MMP16: variants seen among roughly 807,000 people sequenced by gnomAD.
MMP16 encodes matrix metalloproteinase-16.
In MMP16, 12 loss-of-function variants were observed where a neutral mutation model predicts 67.8. That is an observed-to-expected ratio of 0.18 (90% confidence interval 0.11 to 0.29). The LOEUF is 0.29. MMP16 is among the 10% of genes least tolerant of loss of function. MMP16 has a pLI of 1.00. For synonymous variants in MMP16, 249 were observed against 255.9 expected (o/e 0.97, Z 0.26); for missense variants, 475 against 765.7 (o/e 0.62, Z 4.48).
chr8:88,050,862 T>C (rs1586123460), intron 8 of MMP16, among the ~76,000 whole-genome samples: 2 of 152,310 alleles, frequency 1.3e-5, no homozygotes, highest in East Asian at 3.9e-4. Context: ...TGTGCACCTA[T>C]ATTATATGCC....
chr8:88,041,096 C>G lies in MMP16; in HGVS notation c.*365G>C, dbSNP rs566005337. ...TTTTTTTTCTCCCCCCAGAAATGGG[C>G]TCAGACTTCAGAAGGAAAATAACAT... On this transcript the variant is annotated 3_prime_UTR_variant, in exon 10 of 10. Coordinates refer to ENST00000286614, the MANE Select transcript of MMP16 (RefSeq NM_005941.5). This position sits in a 1 kb window ranked among gnomAD's most constrained non-coding sequence, Gnocchi z 6.0. 2 of 169,922 alleles carry G rather than the reference C, an allele frequency of 1.2e-5. No individual in the cohort carries two copies. Among genetic ancestry groups the G allele is most frequent in the African/African-American group, 4.7e-5 (2 of 42,192 alleles). The allele number at this position is 169,922 out of a possible 1,614,324, so 10.5% of individuals were successfully genotyped here. A position where few individuals can be genotyped will look rare whatever the true frequency, so the allele number is the denominator to read the frequency against.
intron 4 of MMP16, among the ~76,000 whole-genome samples, chr8:88,162,245 A>G (rs972085690): frequency 4.6e-5 from 7 of 152,012 alleles, no homozygotes; most frequent in African/African-American, 1.7e-4. Flanking sequence ...AAAGGTTTTA[A>G]AAAAGTCAGT....
chr8:88,213,251 T>G (rs1563563910), intron 1 of MMP16, among the ~76,000 whole-genome samples: 1 of 152,144 alleles, frequency 6.6e-6, no homozygotes, highest in Non-Finnish European at 1.5e-5. Flanking sequence ...TCATCTGTGT[T>G]TAACTTAACA....
intron 1 of MMP16, among the ~76,000 whole-genome samples, chr8:88,270,946 T>A (rs1810554002): frequency 6.6e-6 from 1 of 152,162 alleles, no homozygotes; most frequent in East Asian, 1.9e-4. Flanking sequence ...CTTGAGTATA[T>A]CATGAGTATA....
At chr8:88,217,896 C>CAT (rs1809619337) in intron 1 of MMP16, among the ~76,000 whole-genome samples, 1 of 151,992 alleles carries the variant, frequency 6.6e-6, no homozygotes. Flanking sequence ...ACAAGTAATG[C>CAT]ATATGTCTGT....
intron 6 of MMP16, among the ~76,000 whole-genome samples, chr8:88,110,267 G>A (rs887138654): frequency 2.0e-5 from 3 of 151,350 alleles, no homozygotes; most frequent in African/African-American, 7.2e-5. Flanking sequence ...TAACTAAGAA[G>A]CCAGGAAATG....
intron 1 of MMP16, among the ~76,000 whole-genome samples, chr8:88,293,300 G>T (rs1810955188): frequency 6.6e-6 from 1 of 151,956 alleles, no homozygotes; most frequent in African/African-American, 2.4e-5. Flanking sequence ...TGATCTAAGT[G>T]ATTACCCTTA....
intron 1 of MMP16, among the ~76,000 whole-genome samples, chr8:88,255,918 T>C (rs1320517032): frequency 6.6e-6 from 1 of 152,204 alleles, no homozygotes; most frequent in East Asian, 1.9e-4. Flanking sequence ...GGAACTTTTC[T>C]ATAGATGCTG....
chr8:88,273,975 T>A (rs1253137695), intron 1 of MMP16, among the ~76,000 whole-genome samples: 1 of 150,718 alleles, frequency 6.6e-6, no homozygotes, highest in African/African-American at 2.5e-5. Flanking sequence ...TTCATCACCA[T>A]CATCATCATC....
At chr8:88,261,772 TACAC>T (rs1475874060) in intron 1 of MMP16, among the ~76,000 whole-genome samples, 1 of 149,660 alleles carries the variant, frequency 6.7e-6, no homozygotes, top group African/African-American at 2.5e-5. Flanking sequence ...TATGTACATG[TACAC>T]ACACACACAC....
chr8:88,263,246 A>C, intron 1 of MMP16, among the ~76,000 whole-genome samples: 1 of 148,630 alleles, frequency 6.7e-6, no homozygotes, highest in South Asian at 2.1e-4. Context: ...CAATTTCCTA[A>C]AAAAAAAATT....
At chr8:88,124,687 A>G (rs1807896745) in intron 4 of MMP16, among the ~76,000 whole-genome samples, 1 of 151,944 alleles carries the variant, frequency 6.6e-6, no homozygotes, top group Non-Finnish European at 1.5e-5. Flanking sequence ...TAAACTTAAT[A>G]TTTTAAAACT....
chr8:88,067,798 G>C (rs1057122148), intron 7 of MMP16, among the ~76,000 whole-genome samples: 1 of 151,818 alleles, frequency 6.6e-6, no homozygotes, highest in Non-Finnish European at 1.5e-5. Context: ...TGGATATATC[G>C]CAGTTTACTC....
At chr8:88,161,184 T>G (rs1404923778) in intron 4 of MMP16, among the ~76,000 whole-genome samples, 4 of 152,160 alleles carry the variant, frequency 2.6e-5, no homozygotes, top group Admixed American at 2.0e-4. Context: ...TCCTGGAGTT[T>G]TTTTGGTTGG....
intron 6 of MMP16, among the ~76,000 whole-genome samples, chr8:88,091,364 C>T (rs370477350): frequency 2.0e-5 from 3 of 151,702 alleles, no homozygotes; most frequent in Non-Finnish European, 4.4e-5. Flanking sequence ...AAATTGTGAC[C>T]GTGAGGACAA....
At chr8:88,270,191 A>C (rs773626354) in intron 1 of MMP16, among the ~76,000 whole-genome samples, 1 of 152,222 alleles carries the variant, frequency 6.6e-6, no homozygotes, top group Non-Finnish European at 1.5e-5. Flanking sequence ...GCATTACAGG[A>C]TTATTAAAAT....
chr8:88,088,670 C>T (rs2248779), intron 6 of MMP16, among the ~76,000 whole-genome samples: 150,341 of 152,172 alleles, frequency 0.99, 74,298 homozygotes, highest in East Asian at 1. Context: ...GCATTCCTTT[C>T]GCTGTCCCTG....
intron 1 of MMP16, among the ~76,000 whole-genome samples, chr8:88,280,461 C>T (rs1810714878): frequency 3.9e-5 from 6 of 152,190 alleles, no homozygotes; most frequent in Admixed American, 3.3e-4. Context: ...AATATACCAT[C>T]TCCATGTTTT....
chr8:88,074,557 A>G (rs752352836), intron 7 of MMP16, 48 bp downstream of exon 7: 3 of 1,592,020 alleles, frequency 1.9e-6, no homozygotes, highest in East Asian at 2.2e-5. Flanking sequence ...AGGGTCCTAT[A>G]CAAAATGATT....
Sources: allele counts gnomAD v4.1 joint callset (sites outside exome capture counted in the v4.1 genomes callset), GRCh38; gene constraint gnomAD v4.1.1; non-coding constraint Gnocchi (gnomAD v3.1); transcripts MANE v1.5; gene names NCBI Gene and HGNC (gene_info 2026-07-23, HGNC 2026-07-21).